Variants in GREB1 observed in about 807,000 individuals in gnomAD.
GREB1 encodes growth regulating estrogen receptor binding 1.
A neutral mutation model predicts 200.7 loss-of-function variants in GREB1; 106 were observed. The ratio of observed to expected loss-of-function variants is 0.53; its 90% CI spans 0.45 to 0.62. The LOEUF (loss-of-function observed/expected upper bound fraction) is 0.62, where lower values mean the gene tolerates loss of function less well. Among genes scored for constraint, GREB1 ranks in the 20% least tolerant of loss-of-function variants. The pLI, the probability that GREB1 is intolerant of heterozygous loss-of-function variation, is 0.00. For missense variants in GREB1, 2,243 were observed against 2,556.8 expected (o/e 0.88, Z 2.65); for synonymous variants, 1,132 against 1,092.4 (o/e 1.04, Z -0.72).
At chr2:11,593,488 G>A (rs1241486070) in intron 11 of GREB1, among the ~76,000 whole-genome samples, 2 of 152,178 alleles carry the variant, frequency 1.3e-5, no homozygotes, top group Non-Finnish European at 2.9e-5. Context: ...CTGTGTTCAG[G>A]AGCCAATTAA....
At position 11,493,752 on chromosome 2, in the gene GREB1, T is replaced by C. The variant is rs1218228390; in HGVS notation, c.-159+11371T>C. 6.6e-6 allele frequency among the ~76,000 whole-genome samples: 1 copy of C among 152,216 alleles called. No individual in the cohort carries two copies. Among genetic ancestry groups the C allele is most frequent in the Non-Finnish European group, 1.5e-5 (1 of 68,046 alleles). On this transcript the variant is annotated intron_variant, in intron 1 of 2. Coordinates refer to the GREB1 transcript ENST00000628795. The surrounding 1 kb of genome is among the most constrained non-coding windows in gnomAD (Gnocchi z 4.6). ...TCAGTTCTTTTGACCAGTAAGTCCT[T>C]ATTGAATGTTTGCTCTGTGCCAGGC...
At chr2:11,562,618 G>C in intron 3 of GREB1, 36 bp downstream of exon 3, 2 of 1,546,182 alleles carry the variant, frequency 1.3e-6, no homozygotes, top group East Asian at 4.8e-5. Flanking sequence ...GGCAGTGCCT[G>C]CCATGCTGCC....
chr2:11,583,033 A>G (rs1454004128), intron 7 of GREB1, among the ~76,000 whole-genome samples: 2 of 152,226 alleles, frequency 1.3e-5, no homozygotes, highest in African/African-American at 4.8e-5. Context: ...ATAATGAGTC[A>G]TCTCCAAAAA....
chr2:11,594,500 G>A lies in GREB1; in HGVS notation c.1697-751G>A, dbSNP rs140051866. On this transcript the variant is annotated intron_variant, in intron 11 of 32. Transcript: ENST00000381486. ...CTCCTGAGTAGCTGGGACTACAGGC[G>A]TGCACCACCATGCCCAGGTAATTTT... is the stretch of plus-strand genomic sequence containing the variant. Among the ~76,000 whole-genome samples, 15 of 150,772 alleles carry A rather than the reference G, an allele frequency of 9.9e-5. No individual in the cohort carries two copies. The East Asian group carries it at 2.0e-3, about 20-fold the overall frequency.
At chr2:11,569,259 AG>A (rs2147980646) in intron 4 of GREB1, among the ~76,000 whole-genome samples, 1 of 152,326 alleles carries the variant, frequency 6.6e-6, no homozygotes, top group East Asian at 1.9e-4. Flanking sequence ...CAGCATGCAA[AG>A]AATTCAGCAT....
chr2:11,498,146 G>A (rs1483429159), intron 1 of GREB1, among the ~76,000 whole-genome samples: 2 of 150,980 alleles, frequency 1.3e-5, no homozygotes, highest in African/African-American at 2.4e-5. Context: ...TTTATTTTAT[G>A]GATTGTACTT....
Position 11,615,298 on chromosome 2 carries a change from A to T in GREB1, c.3322+8A>T. 6.4e-7 allele frequency: 1 copy of T among 1,567,124 alleles called. No homozygotes were observed. On this transcript the variant is annotated splice_region_variant and intron_variant, in intron 20 of 32. Transcript: ENST00000381486. ...AGGAGCTGGGGACAGAAGGTGAGGG[A>T]TGGCTGCCCTCAGCCTACTTGTCCC...
At chr2:11,605,482 C>T (rs1422666897) in intron 17 of GREB1, among the ~76,000 whole-genome samples, 1 of 152,068 alleles carries the variant, frequency 6.6e-6, no homozygotes, top group South Asian at 2.1e-4. Flanking sequence ...CCTCAGCTTC[C>T]CAAAGTGTTG....
Position 11,492,789 on chromosome 2 carries a change from C to T in GREB1, c.-159+10408C>T, listed in dbSNP as rs1304010165. ...GGGAACTGCAATGAGAAGGTGACCC[C>T]TAGTGCCTGTGGGGCCAGCAAGAGT... On this transcript the variant is annotated intron_variant, in intron 1 of 2. Transcript: ENST00000628795. The surrounding 1 kb of genome is among the most constrained non-coding windows in gnomAD (Gnocchi z 4.0). Among the ~76,000 whole-genome samples the T allele has an allele frequency of 6.6e-6, 1 of 152,232 alleles. No individual in the cohort carries two copies. Among genetic ancestry groups the T allele is most frequent in the Non-Finnish European group, 1.5e-5 (1 of 68,026 alleles).
intron 16 of GREB1, among the ~76,000 whole-genome samples, chr2:11,601,720 C>G (rs969097854): frequency 6.6e-6 from 1 of 152,216 alleles, no homozygotes; most frequent in Non-Finnish European, 1.5e-5. Flanking sequence ...GGAAGCCCTG[C>G]CCAAAGTGCT....
intron 4 of GREB1, among the ~76,000 whole-genome samples, chr2:11,574,611 C>G (rs1265132513): frequency 6.6e-6 from 1 of 152,158 alleles, no homozygotes; most frequent in Non-Finnish European, 1.5e-5. Context: ...GCCTCGGATG[C>G]CAGGCCTGTG....
At position 11,610,761 on chromosome 2, in the gene GREB1, G is replaced by T. The variant is rs139446036; in HGVS notation, c.2740G>T (p.Val914Leu). The change falls in exon 18 of 33, where the codon GTA becomes TTA. Residue 914 changes from valine to leucine, a missense_variant. Coordinates refer to ENST00000381486, the MANE Select transcript of GREB1 (RefSeq NM_014668.4). ...VQHYAAALMAVSGLPQMKNYT... is the reference protein window; with the variant it reads ...VQHYAAALMALSGLPQMKNYT... ...GCACTACGCGGCCGCCCTGATGGCCGTAAGCGGCCTCCCGCAGATGAAGAA... is the reference window on the plus strand; with the variant it reads ...GCACTACGCGGCCGCCCTGATGGCCTTAAGCGGCCTCCCGCAGATGAAGAA... 1.2e-6 allele frequency: 2 copies of T among 1,613,430 alleles called. No homozygotes were observed. Among genetic ancestry groups the T allele is most frequent in the East Asian group, 2.2e-5 (1 of 44,900 alleles).
At chr2:11,619,910 G>T (rs570158146) in intron 22 of GREB1, among the ~76,000 whole-genome samples, 12 of 152,318 alleles carry the variant, frequency 7.9e-5, no homozygotes, top group African/African-American at 2.9e-4. Flanking sequence ...CATTTACTGA[G>T]TTGTAGCATG....
At position 11,629,854 on chromosome 2, in the gene GREB1, G is replaced by A; in HGVS notation, c.4450-94G>A. On this transcript the variant is annotated intron_variant, in intron 25 of 32. Transcript: ENST00000381486. This position sits in a 1 kb window ranked among gnomAD's most constrained non-coding sequence, Gnocchi z 5.2. ...TGTGCTGTAGGGAAGTGGTGACTGT[G>A]AGCTGCACGTTGTCACAGCAGAGTG... The A allele has an allele frequency of 8.0e-7, 1 of 1,245,854 alleles. No homozygotes were observed. The highest frequency in any genetic ancestry group is 1.5e-5 in the African/African-American group (1 of 67,972). The allele number at this position is 1,245,854 out of a possible 1,614,324, so 77.2% of individuals were successfully genotyped here. A position where few individuals can be genotyped will look rare whatever the true frequency, so the allele number is the denominator to read the frequency against.
intron 1 of GREB1, among the ~76,000 whole-genome samples, chr2:11,507,680 C>G: frequency 6.6e-6 from 1 of 152,334 alleles, no homozygotes; most frequent in East Asian, 1.9e-4. Context: ...AGGCGCCAGC[C>G]TCCTGCTTCT....
At chr2:11,627,849 G>C (rs1353509485) in intron 25 of GREB1, among the ~76,000 whole-genome samples, 1 of 152,170 alleles carries the variant, frequency 6.6e-6, no homozygotes, top group African/African-American at 2.4e-5. Flanking sequence ...TTATAAATGA[G>C]GATCCTGTTT....
At chr2:11,488,917 C>A (rs1672719530) in intron 1 of GREB1, among the ~76,000 whole-genome samples, 2 of 136,522 alleles carry the variant, frequency 1.5e-5, no homozygotes, top group Admixed American at 1.5e-4. Flanking sequence ...ATATGACACA[C>A]CGCATTTGCA....
intron 14 of GREB1, 43 bp from the exon 15 acceptor site, chr2:11,598,637 T>C: frequency 1.3e-6 from 2 of 1,575,130 alleles, no homozygotes; most frequent in Non-Finnish European, 1.7e-6. Flanking sequence ...TGAAACCCAG[T>C]GCGCATGTTT....
At position 11,618,891 on chromosome 2, in the gene GREB1, G is replaced by T. The variant is rs755857714; in HGVS notation, c.4016G>T (p.Arg1339Leu). Residue 1339 changes from arginine to leucine, a missense_variant, in exon 22 of 33, where the codon CGC (arginine) becomes CTC (leucine). Arg to Leu is a moderately radical substitution (Grantham distance 102). Coordinates refer to ENST00000381486, the MANE Select transcript of GREB1 (RefSeq NM_014668.4). Reference sequence around the variant, plus strand: ...GGCCGCGTGGACGGCTTCCACCCCCGCAGGCTGCTGCTCAGCGGCCCCCCT... The same window carrying T: ...GGCCGCGTGGACGGCTTCCACCCCCTCAGGCTGCTGCTCAGCGGCCCCCCT... ...AEGRVDGFHP[R>L]RLLLSGPPQI... The T allele has an allele frequency of 1.5e-5, 23 of 1,548,536 alleles. No individual in the cohort carries two copies. The highest frequency in any genetic ancestry group is 2.0e-5 in the Non-Finnish European group (23 of 1,152,500).
Sources: allele counts gnomAD v4.1 joint callset (sites outside exome capture counted in the v4.1 genomes callset), GRCh38; gene constraint gnomAD v4.1.1; non-coding constraint Gnocchi (gnomAD v3.1); transcripts MANE v1.5; gene names NCBI Gene and HGNC (gene_info 2026-07-23, HGNC 2026-07-21).